The following INSR variants were observed in gnomAD, a reference collection of about 807,000 sequenced individuals.
The protein encoded by INSR is insulin receptor.
A neutral mutation model predicts 142.6 loss-of-function variants in INSR; 67 were observed. The ratio of observed to expected loss-of-function variants is 0.47; its 90% CI spans 0.39 to 0.58. The LOEUF (loss-of-function observed/expected upper bound fraction) is 0.58, where lower values mean the gene tolerates loss of function less well. INSR is among the 20% of genes least tolerant of loss of function. The pLI, the probability that INSR is intolerant of heterozygous loss-of-function variation, is 0.00. For missense variants in INSR, 1,248 were observed against 1,833.2 expected (o/e 0.68, Z 5.83); for synonymous variants, 756 against 743.1 (o/e 1.02, Z -0.28).
At chr19:7,205,007 C>T (rs1485566011) in intron 2 of INSR, among the ~76,000 whole-genome samples, 1 of 142,490 alleles carries the variant, frequency 7.0e-6, no homozygotes, top group African/African-American at 2.6e-5. Flanking sequence ...TCGCTTGAAG[C>T]CAGGAGGCAG....
chr19:7,232,314 C>T (rs887411163), intron 2 of INSR, among the ~76,000 whole-genome samples: 1 of 151,950 alleles, frequency 6.6e-6, no homozygotes, highest in Non-Finnish European at 1.5e-5. Context: ...TGGGTTTAAG[C>T]GATTCTCCTG....
At chr19:7,268,983 G>A (rs1398233505) in intron 1 of INSR, among the ~76,000 whole-genome samples, 3 of 150,548 alleles carry the variant, frequency 2.0e-5, no homozygotes, top group African/African-American at 4.9e-5. Flanking sequence ...CTGAGTTAAC[G>A]TTTTTCAAAA....
chr19:7,240,545 G>T (rs1976308533), intron 2 of INSR, among the ~76,000 whole-genome samples: 1 of 152,122 alleles, frequency 6.6e-6, no homozygotes, highest in African/African-American at 2.4e-5. Context: ...CTCCAGCCAG[G>T]GTGACAAGAG....
At chr19:7,205,274 A>G (rs1243851653) in intron 2 of INSR, among the ~76,000 whole-genome samples, 1 of 152,220 alleles carries the variant, frequency 6.6e-6, no homozygotes, top group East Asian at 1.9e-4. Flanking sequence ...CTGGGCATGC[A>G]AGCACATTTC....
intron 13 of INSR, among the ~76,000 whole-genome samples, chr19:7,138,103 A>T (rs1972983509): frequency 6.6e-6 from 1 of 151,456 alleles, no homozygotes; most frequent in Non-Finnish European, 1.5e-5. Context: ...AGTTGGGACT[A>T]CAGGCGCCCG....
intron 2 of INSR, among the ~76,000 whole-genome samples, chr19:7,217,413 A>G (rs1975467493): frequency 6.6e-6 from 1 of 152,158 alleles, no homozygotes; most frequent in Non-Finnish European, 1.5e-5. Context: ...CAAGTGAGGT[A>G]CCAAATTCAC....
At position 7,141,689 on chromosome 19, in the gene INSR, T is replaced by C; in HGVS notation, c.2670A>G (p.Arg890=). ...LIVLYEVSYR[R]YGDEELHLCV... is the part of the protein sequence containing the mutation. ...TCAAGGGCCTTACCTCATCACCATA[T>C]CGCCGATAACTCACTTCATACAGCA... Residue 890 remains arginine, a synonymous_variant, in exon 13 of 22, where the codon CGA becomes CGG. Coordinates refer to ENST00000302850, the MANE Select transcript of INSR (RefSeq NM_000208.4). The C allele has an allele frequency of 6.2e-7, 1 of 1,614,140 alleles. No homozygotes were observed. The highest frequency in any genetic ancestry group is 8.5e-7 in the Non-Finnish European group (1 of 1,180,010).
chr19:7,286,010 T>A (rs1968336003), intron 1 of INSR, among the ~76,000 whole-genome samples: 1 of 152,202 alleles, frequency 6.6e-6, no homozygotes. Flanking sequence ...TTACACAGTC[T>A]CACTATGTCA....
At chr19:7,123,209 C>T (rs1475295141) in intron 17 of INSR, 7 of 541,564 alleles carry the variant, frequency 1.3e-5, no homozygotes, top group Non-Finnish European at 2.3e-5. Flanking sequence ...CTTGCTGTTA[C>T]CCAGGCTAGA....
Position 7,119,648 on chromosome 19 carries a change from GCA to G in INSR, c.3660-67_3660-66del. 2 of 1,550,944 alleles carry G rather than the reference GCA, an allele frequency of 1.3e-6. No homozygotes were observed. The highest frequency in any genetic ancestry group is 1.7e-5 in the Admixed American group (1 of 59,332). On this transcript the variant is annotated intron_variant, in intron 20 of 21. Transcript: ENST00000302850. This position sits in a 1 kb window ranked among gnomAD's most constrained non-coding sequence, Gnocchi z 5.2. The stretch of plus-strand genomic sequence containing the variant: ...TAGACACACACACACACGCGCGCGC[GCA>G]AACACACACACGCAAACGCACACAC...
In INSR at chr19:7,153,054, CA is replaced by C. The variant is rs113402674; in HGVS notation, c.2030-128del. Reference sequence around the variant, plus strand: ...CACACACACACACCACACACCCCCCCACACACACACACCACACACATCACAC... The same window carrying C: ...CACACACACACACCACACACCCCCCCCACACACACACCACACACATCACAC... On this transcript the variant is annotated intron_variant, in intron 9 of 21. Coordinates refer to ENST00000302850, the MANE Select transcript of INSR (RefSeq NM_000208.4). 117,561 of 213,608 alleles carry C rather than the reference CA, an allele frequency of 0.55. 20,127 individuals carry two copies. Among genetic ancestry groups the C allele is most frequent in the Middle Eastern group, 0.6 (500 of 838 alleles). 13.2% of individuals were successfully genotyped at this position (213,608 alleles called of 1,614,324 possible). A position where few individuals can be genotyped will look rare whatever the true frequency, so the allele number is the denominator to read the frequency against.
intron 1 of INSR, among the ~76,000 whole-genome samples, chr19:7,275,903 A>G (rs1968051312): frequency 6.6e-6 from 1 of 152,106 alleles, no homozygotes; most frequent in Admixed American, 6.6e-5. Context: ...CCATCAAAGC[A>G]GAGCTGTATT....
chr19:7,171,323 C>G (rs1365970717), intron 5 of INSR, among the ~76,000 whole-genome samples: 1 of 152,150 alleles, frequency 6.6e-6, no homozygotes, highest in Non-Finnish European at 1.5e-5. Flanking sequence ...ACCACCTTCT[C>G]AAGTCACTTA....
At chr19:7,264,757 C>A (rs1177135429) in intron 2 of INSR, among the ~76,000 whole-genome samples, 20 of 152,328 alleles carry the variant, frequency 1.3e-4, no homozygotes, top group Non-Finnish European at 1.5e-5. Context: ...TTTAGCTTCT[C>A]CTTGCCCCTG....
At chr19:7,253,750 C>T (rs1313788592) in intron 2 of INSR, among the ~76,000 whole-genome samples, 2 of 151,936 alleles carry the variant, frequency 1.3e-5, no homozygotes, top group Non-Finnish European at 2.9e-5. Flanking sequence ...GCAAACGGGC[C>T]GAGTGTGGTG....
rs16994216 is a variant in INSR at position 7,145,046 on chromosome 19, T to C, written c.2268-1956A>G. Among the ~76,000 whole-genome samples the C allele has an allele frequency of 6.0e-3, 916 of 152,284 alleles. 7 individuals carry two copies. Among genetic ancestry groups the C allele is most frequent in the East Asian group, 0.041 (214 of 5,184 alleles). ...CGTTATTTGCGGATCTTTATATTACTGAGTGTGACTTCATTTTTCCTTTAT... is the reference window on the plus strand; with the variant it reads ...CGTTATTTGCGGATCTTTATATTACCGAGTGTGACTTCATTTTTCCTTTAT... On this transcript the variant is annotated intron_variant, in intron 11 of 21. Transcript: ENST00000302850.
In INSR at chr19:7,143,024, TGCCACCGTGGGCACG is replaced by T; in HGVS notation, c.2319_2333del (p.Val774_Ala778del). 1 of 1,614,192 alleles carries T rather than the reference TGCCACCGTGGGCACG, an allele frequency of 6.2e-7. No homozygotes were observed. Among genetic ancestry groups the T allele is most frequent in the South Asian group, 1.1e-5 (1 of 91,090 alleles). On this transcript the variant is annotated inframe_deletion, in exon 12 of 22. Coordinates refer to ENST00000302850, the MANE Select transcript of INSR (RefSeq NM_000208.4). ...TGGTCGAGGAAGTGTTGGGGAAAGCTGCCACCGTGGGCACGGCCACCGTCACATTCCCAACATCGC... is the reference window on the plus strand; with the variant it reads ...TGGTCGAGGAAGTGTTGGGGAAAGCTGCCACCGTCACATTCCCAACATCGC...
chr19:7,157,041 C>T (rs1480461789), intron 9 of INSR, among the ~76,000 whole-genome samples: 2 of 152,056 alleles, frequency 1.3e-5, no homozygotes, highest in Non-Finnish European at 2.9e-5. Context: ...ACTGCAGTGG[C>T]GCTATCTCGG....
At chr19:7,181,639 A>G (rs1974277749) in intron 3 of INSR, among the ~76,000 whole-genome samples, 1 of 148,992 alleles carries the variant, frequency 6.7e-6, no homozygotes, top group African/African-American at 2.5e-5. Context: ...GCGTGATCTC[A>G]GCTCACTGCA....
Sources: gnomAD v4.1 joint callset for allele counts (sites outside exome capture counted in the v4.1 genomes callset) on GRCh38, gnomAD v4.1.1 for gene constraint, Gnocchi (gnomAD v3.1) non-coding constraint, MANE v1.5 for transcripts, NCBI Gene and HGNC (gene_info 2026-07-23, HGNC 2026-07-21) for gene names.